The following MTMR3 variants were observed in gnomAD, a reference collection of about 807,000 sequenced individuals.
MTMR3 encodes the protein phosphatidylinositol-3,5-bisphosphate 3-phosphatase MTMR3.
In MTMR3, 32 loss-of-function variants were observed where a neutral mutation model predicts 132.4. That is an observed-to-expected ratio of 0.24 (90% CI 0.18 to 0.32). MTMR3 has a LOEUF of 0.32. Ranked by LOEUF, MTMR3 falls within the 10% of genes least tolerant of loss-of-function variation. The pLI is 1.00. For synonymous variants in MTMR3, 556 were observed against 550.3 expected (o/e 1.01, Z -0.14); for missense variants, 1,216 against 1,489.6 (o/e 0.82, Z 3.02).
intron 1 of MTMR3, among the ~76,000 whole-genome samples, chr22:29,898,912 CT>C (rs199656050): frequency 0.1 from 14,775 of 142,882 alleles, 726 homozygotes; most frequent in Middle Eastern, 0.15. Flanking sequence ...TTTCTCACAT[CT>C]TTTTTTTTTT....
chr22:29,976,958 C>T (rs2066641226), intron 3 of MTMR3, among the ~76,000 whole-genome samples: 1 of 152,072 alleles, frequency 6.6e-6, no homozygotes, highest in Non-Finnish European at 1.5e-5. Flanking sequence ...ATTCTTAATG[C>T]TGTCAGTTGA....
chr22:30,008,137 C>T, intron 11 of MTMR3, 105 bp downstream of exon 11: 1 of 1,435,934 alleles, frequency 7.0e-7, no homozygotes, highest in Non-Finnish European at 9.5e-7. Context: ...AGCCATATTC[C>T]TCATCCATCC....
At chr22:29,926,518 A>G (rs1168576703) in intron 1 of MTMR3, among the ~76,000 whole-genome samples, 4 of 152,168 alleles carry the variant, frequency 2.6e-5, no homozygotes, top group African/African-American at 9.7e-5. Context: ...AATTATTAGG[A>G]TTTTAATTTC....
At chr22:29,903,895 A>C (rs893325411) in intron 1 of MTMR3, among the ~76,000 whole-genome samples, 8 of 152,114 alleles carry the variant, frequency 5.3e-5, no homozygotes, top group Non-Finnish European at 4.4e-5. Context: ...CATTTGGTGA[A>C]CAGGTATCTC....
At chr22:30,006,904 T>G in intron 9 of MTMR3, 1 of 547,410 alleles carries the variant, frequency 1.8e-6, no homozygotes, top group Non-Finnish European at 3.3e-6. Flanking sequence ...ATCTCCGTGA[T>G]GTTATGGTAA....
intron 1 of MTMR3, among the ~76,000 whole-genome samples, chr22:29,951,888 G>GGT (rs1309082154): frequency 1.6e-5 from 2 of 125,944 alleles, no homozygotes; most frequent in East Asian, 3.4e-4. Flanking sequence ...TACAAGTAAA[G>GGT]GTTTTTTTTT....
intron 1 of MTMR3, among the ~76,000 whole-genome samples, chr22:29,940,951 C>T (rs1475546139): frequency 1.3e-5 from 2 of 149,918 alleles, no homozygotes; most frequent in Non-Finnish European, 2.9e-5. Flanking sequence ...GAGATTAGTG[C>T]ATATGATCTT....
At chr22:30,022,784 A>G in intron 19 of MTMR3, 87 bp downstream of exon 19, 1 of 1,200,744 alleles carries the variant, frequency 8.3e-7, no homozygotes, top group Non-Finnish European at 1.2e-6. Flanking sequence ...GGTTGTGGGT[A>G]TCTCAGTGTT....
intron 2 of MTMR3, among the ~76,000 whole-genome samples, chr22:29,959,983 T>G (rs2066278621): frequency 6.6e-6 from 1 of 151,776 alleles, no homozygotes; most frequent in Non-Finnish European, 1.5e-5. Flanking sequence ...CTCAGGGTGG[T>G]CTTGAACTCC....
At chr22:29,912,316 G>A (rs2065229397) in intron 1 of MTMR3, among the ~76,000 whole-genome samples, 1 of 152,132 alleles carries the variant, frequency 6.6e-6, no homozygotes, top group African/African-American at 2.4e-5. Flanking sequence ...GAATGACAAA[G>A]TCTCGCTTTG....
rs1436580863 is a variant in MTMR3 at position 29,978,545 on chromosome 22, A to G, written c.93+14A>G. 4 of 1,595,002 alleles carry G rather than the reference A, an allele frequency of 2.5e-6. No homozygotes were observed. In the African/African-American group the frequency reaches 5.4e-5, roughly 21 times the overall value. On this transcript the variant is annotated intron_variant, in intron 4 of 19. Transcript: ENST00000401950. ...GAGAATCTTCAGGTAATTATAGGCCACTTTTAAATGTAAAATATTTATTTA... is the reference window on the plus strand; with the variant it reads ...GAGAATCTTCAGGTAATTATAGGCCGCTTTTAAATGTAAAATATTTATTTA...
chr22:29,971,213 C>T, intron 3 of MTMR3, 151 bp downstream of exon 3: 1 of 786,526 alleles, frequency 1.3e-6, no homozygotes, highest in Non-Finnish European at 1.9e-6. Flanking sequence ...CTTTTCTTTT[C>T]TTGTTTACTT....
chr22:29,978,649 A>T, intron 4 of MTMR3, 118 bp downstream of exon 4: 1 of 751,740 alleles, frequency 1.3e-6, no homozygotes, highest in Non-Finnish European at 2.1e-6. Flanking sequence ...CATGTAGTAG[A>T]AATGCAAGCT....
intron 1 of MTMR3, among the ~76,000 whole-genome samples, chr22:29,903,390 C>CTTTTTTTTTTT (rs35625964): frequency 1.3e-4 from 15 of 119,692 alleles, no homozygotes; most frequent in Admixed American, 2.0e-4. Flanking sequence ...CTTTTTCTTT[C>CTTTTTTTTTTT]TTTTTTTTTT....
chr22:29,912,035 G>A (rs1027090110), intron 1 of MTMR3, among the ~76,000 whole-genome samples: 2 of 152,076 alleles, frequency 1.3e-5, no homozygotes, highest in Non-Finnish European at 2.9e-5. Flanking sequence ...AGAAAAACTC[G>A]GTGAAAAGTC....
intron 2 of MTMR3, among the ~76,000 whole-genome samples, chr22:29,969,946 T>A (rs1409017517): frequency 6.6e-6 from 1 of 152,226 alleles, no homozygotes; most frequent in Non-Finnish European, 1.5e-5. Flanking sequence ...ACATTGCCCT[T>A]AAAAGAGTTT....
intron 1 of MTMR3, among the ~76,000 whole-genome samples, chr22:29,900,620 G>A (rs1380604621): frequency 6.6e-6 from 1 of 152,086 alleles, no homozygotes; most frequent in Non-Finnish European, 1.5e-5. Context: ...ATTCCCAGAG[G>A]TAGGTAAAAT....
chr22:29,962,291 A>C (rs151029146), intron 2 of MTMR3, among the ~76,000 whole-genome samples: 2,265 of 152,308 alleles, frequency 0.015, 30 homozygotes, highest in Non-Finnish European at 0.023. Flanking sequence ...TCACCCATTT[A>C]AAGTGTACAG....
chr22:29,923,744 C>T (rs2065464447), intron 1 of MTMR3, among the ~76,000 whole-genome samples: 1 of 152,092 alleles, frequency 6.6e-6, no homozygotes, highest in Non-Finnish European at 1.5e-5. Context: ...ATCAAGGATC[C>T]ATCTGCATGA....
Sources: gnomAD v4.1 joint callset for allele counts (sites outside exome capture counted in the v4.1 genomes callset) on GRCh38, gnomAD v4.1.1 for gene constraint, MANE v1.5 for transcripts, NCBI Gene and HGNC (gene_info 2026-07-23, HGNC 2026-07-21) for gene names.